CACNA1E: variants seen among roughly 807,000 people sequenced by gnomAD.
CACNA1E encodes calcium voltage-gated channel subunit alpha1 E, also known as voltage-dependent R-type calcium channel subunit alpha-1E.
A neutral mutation model predicts 259.2 loss-of-function variants in CACNA1E; 40 were observed. The observed-to-expected ratio is 0.15, with a 90% CI of 0.12 to 0.20. The LOEUF is 0.20. Among genes scored for constraint, CACNA1E ranks in the 10% least tolerant of loss-of-function variants. The probability of loss-of-function intolerance (pLI) is 1.00; values close to 1 mark genes in which losing one functional copy is unlikely to be tolerated. For synonymous variants in CACNA1E, 1,104 were observed against 1,138.5 expected (o/e 0.97, Z 0.61); for missense variants, 1,874 against 3,040.1 (o/e 0.62, Z 9.02).
chr1:181,594,051 A>T (rs1652924070), intron 6 of CACNA1E, among the ~76,000 whole-genome samples: 1 of 152,232 alleles, frequency 6.6e-6, no homozygotes, highest in African/African-American at 2.4e-5. Flanking sequence ...TGGCAAAATA[A>T]AAAGTTAAGA....
chr1:181,694,662 T>A (rs1651526378), intron 7 of CACNA1E, among the ~76,000 whole-genome samples: 1 of 152,188 alleles, frequency 6.6e-6, no homozygotes, highest in Admixed American at 6.5e-5. Flanking sequence ...ACCAGAACAA[T>A]GAGCCATGTT....
intron 6 of CACNA1E, among the ~76,000 whole-genome samples, chr1:181,650,081 G>T (rs1572488934): frequency 6.6e-6 from 1 of 152,222 alleles, no homozygotes; most frequent in East Asian, 1.9e-4. Context: ...GCTATATTCT[G>T]TGGACTGGAA....
intron 2 of CACNA1E, among the ~76,000 whole-genome samples, chr1:181,421,002 AAACAAC>A (rs3051714): frequency 3.3e-5 from 5 of 152,142 alleles, no homozygotes; most frequent in African/African-American, 1.2e-4. Context: ...TGCAGATGAA[AAACAAC>A]AACAACAACA....
chr1:181,683,032 T>A (rs1268539534), intron 7 of CACNA1E, among the ~76,000 whole-genome samples: 1 of 152,176 alleles, frequency 6.6e-6, no homozygotes, highest in East Asian at 1.9e-4. Context: ...CCTTCCCCAG[T>A]TCCTTCCATA....
intron 45 of CACNA1E, among the ~76,000 whole-genome samples, chr1:181,794,634 A>G (rs1014556123): frequency 1.3e-5 from 2 of 152,226 alleles, no homozygotes; most frequent in Non-Finnish European, 2.9e-5. Context: ...TCAGCTACAG[A>G]AGAAAAGATC....
chr1:181,539,140 C>T (rs2102771518), intron 3 of CACNA1E, among the ~76,000 whole-genome samples: 1 of 152,310 alleles, frequency 6.6e-6, no homozygotes, highest in East Asian at 1.9e-4. Flanking sequence ...ATCTATTCAG[C>T]TAAGTGACTA....
At chr1:181,516,789 A>G (rs1046643578) in intron 3 of CACNA1E, among the ~76,000 whole-genome samples, 11 of 152,176 alleles carry the variant, frequency 7.2e-5, no homozygotes, top group Non-Finnish European at 4.4e-5. Context: ...AGTGTTGGTA[A>G]TATTGTCTAT....
At chr1:181,417,903 A>G (rs1198609534) in intron 2 of CACNA1E, among the ~76,000 whole-genome samples, 1 of 152,100 alleles carries the variant, frequency 6.6e-6, no homozygotes, top group Non-Finnish European at 1.5e-5. Context: ...CCACCCCTCA[A>G]GTTCCATGTG....
At chr1:181,319,387 A>T (rs1398617787) in intron 1 of CACNA1E, among the ~76,000 whole-genome samples, 2 of 152,172 alleles carry the variant, frequency 1.3e-5, no homozygotes, top group Non-Finnish European at 2.9e-5. Flanking sequence ...TGGGGTTGGG[A>T]TTTGGGCTAG....
chr1:181,400,673 C>T (rs1657033367), intron 1 of CACNA1E, among the ~76,000 whole-genome samples: 1 of 152,146 alleles, frequency 6.6e-6, no homozygotes, highest in South Asian at 2.1e-4. Flanking sequence ...AGAGAGCCTC[C>T]TGCACCACTC....
chr1:181,701,683 G>A lies in CACNA1E; in HGVS notation c.1056-9271G>A, dbSNP rs565685718. ...TTTTTCCAAACTGCGAAACAGAGATGAAAGTGTGGTCCCCTAGCCCTTTTC... is the reference window on the plus strand; with the variant it reads ...TTTTTCCAAACTGCGAAACAGAGATAAAAGTGTGGTCCCCTAGCCCTTTTC... On this transcript the variant is annotated intron_variant, in intron 7 of 47. Transcript: ENST00000367573. Among the ~76,000 whole-genome samples the A allele has an allele frequency of 2.6e-5, 4 of 152,186 alleles. 1 individual carries two copies. Among genetic ancestry groups the A allele is most frequent in the Admixed American group, 1.3e-4 (2 of 15,272 alleles).
chr1:181,383,922 G>A (rs1347844604), intron 1 of CACNA1E, among the ~76,000 whole-genome samples: 2 of 152,238 alleles, frequency 1.3e-5, no homozygotes, highest in Non-Finnish European at 2.9e-5. Context: ...ATCTGGCAGA[G>A]GGCAGCACTG....
At chr1:181,404,272 G>A (rs1204404465) in intron 1 of CACNA1E, among the ~76,000 whole-genome samples, 2 of 152,186 alleles carry the variant, frequency 1.3e-5, no homozygotes, top group Admixed American at 1.3e-4. Flanking sequence ...AGAGATGTGG[G>A]CACTTTCAAT....
At chr1:181,637,659 C>A (rs1406173280) in intron 6 of CACNA1E, among the ~76,000 whole-genome samples, 1 of 152,136 alleles carries the variant, frequency 6.6e-6, no homozygotes, top group Non-Finnish European at 1.5e-5. Flanking sequence ...ACAAAGCAAA[C>A]CTGCTTCTTG....
intron 6 of CACNA1E, among the ~76,000 whole-genome samples, chr1:181,630,242 G>T (rs2101937029): frequency 6.6e-6 from 1 of 152,150 alleles, no homozygotes; most frequent in East Asian, 1.9e-4. Flanking sequence ...GAACAGATTA[G>T]TACACTTTTT....
chr1:181,333,679 G>T (rs1429155567), intron 1 of CACNA1E, among the ~76,000 whole-genome samples: 2 of 150,332 alleles, frequency 1.3e-5, no homozygotes. Context: ...TTTTTGAGAC[G>T]GAGTCTCACT....
intron 12 of CACNA1E, 46 bp downstream of exon 12, chr1:181,718,213 G>C (rs1212250825): frequency 1.0e-6 from 1 of 971,020 alleles, no homozygotes; most frequent in South Asian, 1.4e-5. Flanking sequence ...GTGTTGATAT[G>C]CCCTGGTTTT....
intron 3 of CACNA1E, among the ~76,000 whole-genome samples, chr1:181,553,520 C>A (rs541559165): frequency 6.6e-6 from 1 of 152,116 alleles, no homozygotes; most frequent in Non-Finnish European, 1.5e-5. Context: ...ATTGCCCTGG[C>A]CAGAACTTCC....
At chr1:181,385,057 T>A (rs1655741043) in intron 1 of CACNA1E, among the ~76,000 whole-genome samples, 1 of 152,148 alleles carries the variant, frequency 6.6e-6, no homozygotes, top group Non-Finnish European at 1.5e-5. Context: ...TTTGGGAATA[T>A]CACTGTAAAT....
Sources: gnomAD v4.1 joint callset for allele counts (sites outside exome capture counted in the v4.1 genomes callset) on GRCh38, gnomAD v4.1.1 for gene constraint, MANE v1.5 for transcripts, NCBI Gene and HGNC (gene_info 2026-07-23, HGNC 2026-07-21) for gene names.